CCDC154: variants seen among roughly 807,000 people sequenced by gnomAD.
CCDC154 encodes the protein coiled-coil domain containing 154, also known as coiled-coil domain-containing protein 154.
In CCDC154, 91 loss-of-function variants were observed where a neutral mutation model predicts 87.5. The observed-to-expected ratio is 1.04, with a 90% CI of 0.88 to 1.24. The LOEUF (loss-of-function observed/expected upper bound fraction) is 1.24, where lower values mean the gene tolerates loss of function less well. Ranked by LOEUF, CCDC154 falls within the 50% of genes most tolerant of loss-of-function variation. The probability of loss-of-function intolerance (pLI) is 0.00; values close to 1 mark genes in which losing one functional copy is unlikely to be tolerated. For missense variants in CCDC154, 903 were observed against 879.2 expected (o/e 1.03, Z -0.34); for synonymous variants, 418 against 400.4 (o/e 1.04, Z -0.52).
In CCDC154 at chr16:1,438,467, G is replaced by T. The variant is rs925461230; in HGVS notation, c.1025+152C>A. ...AGGAGGCCCCACAGGAGGGAGGAGG[G>T]TTCGCACCATCCAGCTGCAGCCCTC... is the stretch of plus-strand genomic sequence containing the variant. On this transcript the variant is annotated intron_variant, in intron 9 of 16. Transcript: ENST00000389176. 6 of 797,498 alleles carry T rather than the reference G, an allele frequency of 7.5e-6. No individual in the cohort carries two copies. In the Admixed American group the frequency reaches 1.4e-4, roughly 19 times the overall value. The allele number at this position is 797,498 out of a possible 1,614,324, so 49.4% of individuals were successfully genotyped here. A position where few individuals can be genotyped will look rare whatever the true frequency, so the allele number is the denominator to read the frequency against.
In CCDC154 at chr16:1,442,472, G is replaced by C; in HGVS notation, c.609C>G (p.Cys203Trp). The stretch of plus-strand genomic sequence containing the variant: ...CCTCTTGGTTCTTCTGCAGGGCGCC[G>C]CAGGCCACCTCCCGGCCCTGCTCCT... Reference protein sequence around the residue: ...QQEEQGREVACGALQKNQEDS... With the variant: ...QQEEQGREVAWGALQKNQEDS... Residue 203 changes from cysteine (C) to tryptophan (W), a missense_variant, in exon 6 of 17, where the codon TGC (cysteine) becomes TGG (tryptophan). Coordinates refer to ENST00000389176, the MANE Select transcript of CCDC154 (RefSeq NM_001143980.3). 1 of 1,550,016 alleles carries C rather than the reference G, an allele frequency of 6.5e-7. No homozygotes were observed. The highest frequency in any genetic ancestry group is 8.7e-7 in the Non-Finnish European group (1 of 1,146,754).
chr16:1,440,657 A>C (rs995440311), intron 6 of CCDC154, among the ~76,000 whole-genome samples: 2 of 151,738 alleles, frequency 1.3e-5, no homozygotes, highest in African/African-American at 2.4e-5. Flanking sequence ...ACATCAAAAA[A>C]TTAGCCAGGC....
At position 1,442,479 on chromosome 16, in the gene CCDC154, A is replaced by G; in HGVS notation, c.602T>C (p.Val201Ala). Reference sequence around the variant, plus strand: ...GTTCTTCTGCAGGGCGCCGCAGGCCACCTCCCGGCCCTGCTCCTCCTGCTG... The same window carrying G: ...GTTCTTCTGCAGGGCGCCGCAGGCCGCCTCCCGGCCCTGCTCCTCCTGCTG... ...LLQQEEQGRE[V>A]ACGALQKNQE... is the part of the protein sequence containing the mutation. The change falls in exon 6 of 17, where the codon GTG becomes GCG. Residue 201 changes from valine (V) to alanine (A), a missense_variant. Transcript: ENST00000389176. 1 of 1,549,404 alleles carries G rather than the reference A, an allele frequency of 6.5e-7. No homozygotes were observed. The highest frequency in any genetic ancestry group is 8.7e-7 in the Non-Finnish European group (1 of 1,146,558).
chr16:1,438,014 A>G (rs4984840), intron 10 of CCDC154, 36 bp downstream of exon 10: 599,223 of 1,537,812 alleles, frequency 0.39, 119,119 homozygotes, highest in Admixed American at 0.42. Flanking sequence ...TGTGCGTGGG[A>G]GACCCCGTTG....
chr16:1,434,792 G>A lies in CCDC154; in HGVS notation c.1753C>T (p.Pro585Ser). 1 of 1,540,640 alleles carries A rather than the reference G, an allele frequency of 6.5e-7. No homozygotes were observed. The highest frequency in any genetic ancestry group is 2.4e-5 in the East Asian group (1 of 40,886). Residue 585 changes from proline (P) to serine (S), a missense_variant, in exon 16 of 17, where the codon CCG becomes TCG. Pro to Ser is a moderately conservative substitution (Grantham distance 74). Coordinates refer to ENST00000389176, the MANE Select transcript of CCDC154 (RefSeq NM_001143980.3). Reference sequence around the variant, plus strand: ...TTCCAGCTGCCCAGCGGCGTCCGCGGGCCCTCCTCACTCCACAGCCGGAGC... The same window carrying A: ...TTCCAGCTGCCCAGCGGCGTCCGCGAGCCCTCCTCACTCCACAGCCGGAGC... ...SVLRLWSEEG[P>S]RTPLGSWKAL...
intron 14 of CCDC154, among the ~76,000 whole-genome samples, chr16:1,435,512 G>GTT: frequency 6.6e-6 from 1 of 152,246 alleles, no homozygotes; most frequent in Non-Finnish European, 1.5e-5. Flanking sequence ...AGCTGTTTTT[G>GTT]TTTTTGTTTT....
Position 1,438,679 on chromosome 16 carries a change from T to C in CCDC154, c.965A>G (p.Lys322Arg), listed in dbSNP as rs2038523708. The C allele has an allele frequency of 6.5e-7, 1 of 1,549,930 alleles. No individual in the cohort carries two copies. ...GLDAAVAQLTKFVQQNQASLN... is the reference protein window; with the variant it reads ...GLDAAVAQLTRFVQQNQASLN... ...CGACGCCTGGTTCTGCTGCACAAAC[T>C]TGGTCAGCTGGGCCACGGCAGCATC... The change falls in exon 9 of 17, where the codon AAG becomes AGG. Residue 322 changes from lysine to arginine, a missense_variant. Transcript: ENST00000389176.
chr16:1,438,507 T>C (rs985343775), intron 9 of CCDC154, 112 bp downstream of exon 9: 77 of 1,039,908 alleles, frequency 7.4e-5, no homozygotes, highest in Non-Finnish European at 1.0e-4. Flanking sequence ...TCGAGCACTC[T>C]GCTCGGGGGA....
chr16:1,443,401 TCTGGGC>T, intron 3 of CCDC154, 99 bp downstream of exon 3: 1 of 1,459,424 alleles, frequency 6.9e-7, no homozygotes, highest in Non-Finnish European at 9.0e-7. Flanking sequence ...CCCTGGGAGC[TCTGGGC>T]CTGGGCAGCA....
chr16:1,439,129 G>A lies in CCDC154; in HGVS notation c.676-3C>T. On this transcript the variant is annotated splice_region_variant and splice_polypyrimidine_tract_variant and intron_variant, in intron 6 of 16. Transcript: ENST00000389176. The stretch of plus-strand genomic sequence containing the variant: ...TCGCCGAGCTTGGTCACCTGGGCCT[G>A]GGGCGGAGGCACATTGTCCCGTGTG... The A allele has an allele frequency of 6.5e-7, 1 of 1,549,774 alleles. No homozygotes were observed. The highest frequency in any genetic ancestry group is 8.7e-7 in the Non-Finnish European group (1 of 1,146,722).
intron 14 of CCDC154, among the ~76,000 whole-genome samples, chr16:1,435,675 G>A (rs1017884401): frequency 1.3e-5 from 2 of 152,144 alleles, no homozygotes; most frequent in Non-Finnish European, 2.9e-5. Context: ...ACAGGCATGC[G>A]CCACCATGCC....
intron 5 of CCDC154, 65 bp downstream of exon 5, chr16:1,442,815 C>G (rs2038564823): frequency 6.9e-7 from 1 of 1,459,562 alleles, no homozygotes; most frequent in Non-Finnish European, 9.3e-7. Context: ...TGTCTTGGCT[C>G]AGCCAGGGAC....
intron 10 of CCDC154, 27 bp from the exon 11 acceptor site, chr16:1,437,981 G>A (rs1178215825): frequency 6.5e-7 from 1 of 1,538,696 alleles, no homozygotes; most frequent in Non-Finnish European, 8.8e-7. Context: ...GGCACGGGGA[G>A]GCCTGGCTGA....
intron 11 of CCDC154, chr16:1,437,090 C>G: frequency 2.1e-6 from 1 of 475,670 alleles, no homozygotes; most frequent in Non-Finnish European, 3.8e-6. Context: ...GGGACCCAGC[C>G]CCGAAACGCA....
intron 11 of CCDC154, chr16:1,437,333 G>C: frequency 5.5e-6 from 1 of 180,728 alleles, no homozygotes; most frequent in East Asian, 1.6e-4. Flanking sequence ...GACAGGGAGG[G>C]GCCCAGCGGT....
chr16:1,437,189 C>G (rs1360980624), intron 11 of CCDC154: 1 of 266,950 alleles, frequency 3.7e-6, no homozygotes, highest in Non-Finnish European at 7.3e-6. Context: ...CGTTACGCCG[C>G]GGTGGAAGGG....
At chr16:1,436,643 G>A (rs1007351130) in intron 12 of CCDC154, 49 bp downstream of exon 12, 2 of 1,547,018 alleles carry the variant, frequency 1.3e-6, no homozygotes, top group Non-Finnish European at 1.7e-6. Context: ...AGGGTCCCAC[G>A]CCACCTCCAA....
intron 6 of CCDC154, among the ~76,000 whole-genome samples, chr16:1,440,152 A>G (rs1158367092): frequency 6.6e-6 from 1 of 150,916 alleles, no homozygotes; most frequent in Non-Finnish European, 1.5e-5. Flanking sequence ...TCAGAAAAAA[A>G]AAAAAAAAAA....
chr16:1,440,891 T>C (rs975761161), intron 6 of CCDC154, among the ~76,000 whole-genome samples: 1 of 149,706 alleles, frequency 6.7e-6, no homozygotes, highest in Non-Finnish European at 1.5e-5. Context: ...GCGGAGCTTG[T>C]AGTGAGCCGA....
Sources: gnomAD v4.1 joint callset for allele counts (sites outside exome capture counted in the v4.1 genomes callset) on GRCh38, gnomAD v4.1.1 for gene constraint, MANE v1.5 for transcripts, NCBI Gene and HGNC (gene_info 2026-07-23, HGNC 2026-07-21) for gene names.